Variants in CCDC39 observed in about 807,000 individuals in gnomAD.
CCDC39 encodes the protein coiled-coil domain 39 molecular ruler complex subunit.
Under a neutral mutation model 121.0 loss-of-function variants are expected in CCDC39, and 113 were observed. That is an observed-to-expected ratio of 0.93 (90% CI 0.80 to 1.09). The LOEUF (loss-of-function observed/expected upper bound fraction) is 1.09, where lower values mean the gene tolerates loss of function less well. CCDC39 is among the 50% of genes least tolerant of loss of function. The probability of loss-of-function intolerance (pLI) is 0.00; values close to 1 mark genes in which losing one functional copy is unlikely to be tolerated. For missense variants in CCDC39, 1,063 were observed against 1,074.7 expected (o/e 0.99, Z 0.15); for synonymous variants, 349 against 352.2 (o/e 0.99, Z 0.10).
In CCDC39 at chr3:180,674,605, A is replaced by G. The variant is rs375674438; in HGVS notation, c.90+4686T>C. 1.5e-4 allele frequency among the ~76,000 whole-genome samples: 23 copies of G among 151,336 alleles called. No individual in the cohort carries two copies. In the East Asian group the frequency reaches 3.9e-3, roughly 26 times the overall value. ...GTTTTTGCCCATTCAGTATGATATT[A>G]GCTGTGGGTTTGTCATAAATAGCTC... On this transcript the variant is annotated intron_variant, in intron 1 of 19. Coordinates refer to ENST00000476379, the MANE Select transcript of CCDC39 (RefSeq NM_181426.2).
chr3:180,618,320 A>T (rs977815034), intron 16 of CCDC39, among the ~76,000 whole-genome samples: 1 of 152,184 alleles, frequency 6.6e-6, no homozygotes, highest in Non-Finnish European at 1.5e-5. Context: ...TAAAACAATG[A>T]CAATTGAAAT....
At chr3:180,667,241 T>C (rs1231975929) in intron 1 of CCDC39, among the ~76,000 whole-genome samples, 2 of 152,040 alleles carry the variant, frequency 1.3e-5, no homozygotes, top group African/African-American at 4.8e-5. Context: ...AGATTCAGAG[T>C]GTTTACATCT....
intron 1 of CCDC39, among the ~76,000 whole-genome samples, chr3:180,677,216 A>G (rs1712260399): frequency 2.5e-5 from 3 of 117,950 alleles, no homozygotes; most frequent in African/African-American, 9.4e-5. Context: ...ATATATATAT[A>G]AAATCACAGT....
At chr3:180,640,031 A>G (rs1717918463) in intron 13 of CCDC39, among the ~76,000 whole-genome samples, 1 of 152,108 alleles carries the variant, frequency 6.6e-6, no homozygotes, top group Admixed American at 6.6e-5. Context: ...TATATGGATG[A>G]AAAGGAGATC....
chr3:180,637,110 C>A (rs1006000323), intron 13 of CCDC39, among the ~76,000 whole-genome samples: 1 of 151,982 alleles, frequency 6.6e-6, no homozygotes, highest in Admixed American at 6.6e-5. Context: ...AGCTTCTGCA[C>A]GGCAAAGTAA....
Position 180,660,130 on chromosome 3 carries a change from G to C in CCDC39, c.517-361C>G, listed in dbSNP as rs142304086. On this transcript the variant is annotated intron_variant, in intron 4 of 19. Transcript: ENST00000476379. ...GCTTTATTAGTATCACCAGATATAAGTAGATTTTAAGTGATTTTTATAACA... is the reference window on the plus strand; with the variant it reads ...GCTTTATTAGTATCACCAGATATAACTAGATTTTAAGTGATTTTTATAACA... Among the ~76,000 whole-genome samples, 1,348 of 152,146 alleles carry C rather than the reference G, an allele frequency of 8.9e-3. 25 individuals carry two copies. Among genetic ancestry groups the C allele is most frequent in the African/African-American group, 0.031 (1,282 of 41,560 alleles).
chr3:180,666,372 C>T (rs1334529860), intron 1 of CCDC39, among the ~76,000 whole-genome samples: 1 of 152,150 alleles, frequency 6.6e-6, no homozygotes, highest in African/African-American at 2.4e-5. Context: ...GTTATCTATT[C>T]AAGAGACAGG....
At chr3:180,619,753 T>C (rs1717379301) in intron 15 of CCDC39, 58 bp downstream of exon 15, 1 of 1,051,216 alleles carries the variant, frequency 9.5e-7, no homozygotes, top group Non-Finnish European at 1.3e-6. Flanking sequence ...ACAGTGTTCC[T>C]TTTAACTATA....
At chr3:180,657,905 A>T (rs1259655077) in intron 6 of CCDC39, among the ~76,000 whole-genome samples, 2 of 152,178 alleles carry the variant, frequency 1.3e-5, no homozygotes, top group African/African-American at 4.8e-5. Context: ...CTTCCTTGTA[A>T]GTCAACAGCT....
At chr3:180,616,148 G>A (rs901410416) in intron 19 of CCDC39, 133 bp downstream of exon 19, 5 of 726,346 alleles carry the variant, frequency 6.9e-6, no homozygotes, top group Non-Finnish European at 2.5e-6. Context: ...CTAGTGAGAT[G>A]TCTGACAGTG....
At chr3:180,624,257 T>C (rs775042716) in intron 14 of CCDC39, among the ~76,000 whole-genome samples, 18 of 152,218 alleles carry the variant, frequency 1.2e-4, no homozygotes, top group Non-Finnish European at 2.4e-4. Context: ...GCTTTTGGTT[T>C]CCATGGAATG....
chr3:180,642,991 A>G (rs1280484516), intron 12 of CCDC39, among the ~76,000 whole-genome samples: 1 of 148,498 alleles, frequency 6.7e-6, no homozygotes, highest in Non-Finnish European at 1.5e-5. Context: ...ACGGAGTCTT[A>G]CTCTGTCGCC....
At chr3:180,617,228 G>T (rs1717279399) in intron 16 of CCDC39, among the ~76,000 whole-genome samples, 1 of 152,128 alleles carries the variant, frequency 6.6e-6, no homozygotes, top group Non-Finnish European at 1.5e-5. Flanking sequence ...TCATGAGTTT[G>T]TGGTGATGGC....
intron 13 of CCDC39, among the ~76,000 whole-genome samples, chr3:180,637,397 C>T (rs1394831428): frequency 5.3e-5 from 8 of 151,778 alleles, no homozygotes; most frequent in Non-Finnish European, 1.0e-4. Flanking sequence ...AGAATGGCTG[C>T]CATTAAAGTC....
chr3:180,676,585 C>A (rs141461834), intron 1 of CCDC39, among the ~76,000 whole-genome samples: 1 of 152,108 alleles, frequency 6.6e-6, no homozygotes, highest in Non-Finnish European at 1.5e-5. Context: ...GACAGTGTGG[C>A]GATTCCTGAA....
intron 14 of CCDC39, among the ~76,000 whole-genome samples, chr3:180,621,156 C>T (rs1408684011): frequency 6.6e-6 from 1 of 152,058 alleles, no homozygotes; most frequent in Non-Finnish European, 1.5e-5. Context: ...TTTCTTGATC[C>T]AGTCATCCAT....
At chr3:180,646,330 T>C (rs1024021526) in intron 11 of CCDC39, among the ~76,000 whole-genome samples, 3 of 152,034 alleles carry the variant, frequency 2.0e-5, no homozygotes, top group African/African-American at 7.2e-5. Context: ...TCAAGGAATT[T>C]AGGGCAATTC....
intron 13 of CCDC39, among the ~76,000 whole-genome samples, chr3:180,638,735 T>C (rs1270646112): frequency 1.3e-5 from 2 of 152,080 alleles, no homozygotes; most frequent in African/African-American, 2.4e-5. Context: ...TCAATATTCA[T>C]AGAGAAATGA....
chr3:180,644,392 C>G (rs1032194698), intron 11 of CCDC39, 135 bp from the exon 12 acceptor site: 4 of 545,680 alleles, frequency 7.3e-6, no homozygotes, highest in Non-Finnish European at 9.1e-6. Flanking sequence ...TTTATTATCT[C>G]TCTTTCTGCT....
Sources: gnomAD v4.1 joint callset for allele counts (sites outside exome capture counted in the v4.1 genomes callset) on GRCh38, gnomAD v4.1.1 for gene constraint, MANE v1.5 for transcripts, NCBI Gene and HGNC (gene_info 2026-07-23, HGNC 2026-07-21) for gene names.